Variants in CRHR1 observed in about 807,000 individuals in gnomAD.
CRHR1 encodes corticotropin-releasing hormone receptor 1.
In CRHR1, 28 loss-of-function variants were observed where a neutral mutation model predicts 56.0. That is an observed-to-expected ratio of 0.50 (90% CI 0.37 to 0.69). The LOEUF (loss-of-function observed/expected upper bound fraction) is 0.69, where lower values mean the gene tolerates loss of function less well. Ranked by LOEUF, CRHR1 falls within the 30% of genes least tolerant of loss-of-function variation. The pLI, the probability that CRHR1 is intolerant of heterozygous loss-of-function variation, is 0.00. For synonymous variants in CRHR1, 195 were observed against 216.5 expected, an observed-to-expected ratio of 0.90 and a Z score of 0.87; for missense variants, 376 against 548.0, an observed-to-expected ratio of 0.69 and a Z score of 3.13.
chr17:45,820,437 G>A (rs1366042671), intron 3 of CRHR1, among the ~76,000 whole-genome samples: 1 of 152,148 alleles, frequency 6.6e-6, no homozygotes, highest in Admixed American at 6.5e-5. Flanking sequence ...AACACGTTGG[G>A]CAGCTCTGCC....
intron 1 of CRHR1, among the ~76,000 whole-genome samples, chr17:45,786,374 A>G (rs1178601937): frequency 1.3e-5 from 2 of 152,174 alleles, no homozygotes; most frequent in Non-Finnish European, 2.9e-5. Context: ...GCTGGTTTCA[A>G]ACGTTGGTTA....
chr17:45,819,294 C>T (rs190797117), intron 3 of CRHR1, among the ~76,000 whole-genome samples: 1 of 152,356 alleles, frequency 6.6e-6, no homozygotes, highest in Non-Finnish European at 1.5e-5. Context: ...CTCTCACTTA[C>T]AGAGGAGGAA....
chr17:45,793,948 G>C (rs1411491911), intron 1 of CRHR1, among the ~76,000 whole-genome samples: 1 of 152,202 alleles, frequency 6.6e-6, no homozygotes, highest in Non-Finnish European at 1.5e-5. Flanking sequence ...AGTGAGACCT[G>C]CTGTTTTCAT....
At chr17:45,833,693 T>TGGGGGCCCCCCCCCC in intron 10 of CRHR1, 21 bp from the exon 11 acceptor site, 6 of 1,571,560 alleles carry the variant, frequency 3.8e-6, no homozygotes, top group Non-Finnish European at 5.2e-6. Flanking sequence ...ACTCCGAGCC[T>TGGGGGCCCCCCCCCC]CCCCACCCGC....
At position 45,812,866 on chromosome 17, in the gene CRHR1, G is replaced by A. The variant is rs138322173; in HGVS notation, c.122-3597G>A. Among the ~76,000 whole-genome samples, 56 of 152,222 alleles carry A rather than the reference G, an allele frequency of 3.7e-4. 1 individual carries two copies. In the East Asian group the frequency reaches 4.8e-3, roughly 13 times the overall value. ...TTGTAGTCGGGTGGCTTAAGTGAGT[G>A]GCATGAATTAAGTCGTGCAAAGCGC... On this transcript the variant is annotated intron_variant, in intron 2 of 12. Transcript: ENST00000314537.
chr17:45,796,517 A>AGGCAGGCAG (rs976744182), intron 1 of CRHR1, among the ~76,000 whole-genome samples: 9 of 151,946 alleles, frequency 5.9e-5, no homozygotes, highest in African/African-American at 1.9e-4. Flanking sequence ...AGGGAAGGGA[A>AGGCAGGCAG]GGCAGGCAGG....
rs777616673 is a variant in CRHR1, at chr17:45,833,811, G to A, written c.1027G>A (p.Val343Ile). 21 of 1,613,536 alleles carry A rather than the reference G, an allele frequency of 1.3e-5. No homozygotes were observed. Among genetic ancestry groups the A allele is most frequent in the East Asian group, 1.1e-4 (5 of 44,844 alleles). The change falls in exon 11 of 13, where the codon GTC becomes ATC. Residue 343 changes from valine to isoleucine, a missense_variant. Physicochemically the swap from Val to Ile is conservative, Grantham distance 29. Transcript: ENST00000314537. ...NPGEDEVSRV[V>I]FIYFNSFLES... ...CGGGGAGGATGAGGTCTCCCGGGTC[G>A]TCTTCATCTACTTCAACTCCTTCCT...
chr17:45,784,544 G>C lies in CRHR1; in HGVS notation c.-1G>C, dbSNP rs1333860998. On this transcript the variant is annotated 5_prime_UTR_variant, in exon 1 of 13. Transcript: ENST00000314537. The surrounding 1 kb of genome is among the most constrained non-coding windows in gnomAD (Gnocchi z 4.2). The stretch of plus-strand genomic sequence containing the variant: ...AGGACGGTAGCCGAGCGAGCCCGAG[G>C]ATGGGAGGGCACCCGCAGCTCCGTC... 1 of 1,554,656 alleles carries C rather than the reference G, an allele frequency of 6.4e-7. No individual in the cohort carries two copies. The highest frequency in any genetic ancestry group is 1.2e-5 in the South Asian group (1 of 84,442).
At chr17:45,834,365 C>A (rs1014622439) in intron 12 of CRHR1, among the ~76,000 whole-genome samples, 5 of 152,234 alleles carry the variant, frequency 3.3e-5, no homozygotes, top group African/African-American at 1.2e-4. Context: ...GGGCAGGGAG[C>A]CTTCATGGCA....
intron 2 of CRHR1, among the ~76,000 whole-genome samples, chr17:45,814,250 AG>A (rs973495359): frequency 2.0e-5 from 3 of 152,216 alleles, no homozygotes; most frequent in Non-Finnish European, 4.4e-5. Flanking sequence ...CTACTGAGGA[AG>A]GTACAATGGT....
intron 1 of CRHR1, among the ~76,000 whole-genome samples, chr17:45,804,903 C>T (rs756279508): frequency 6.6e-6 from 1 of 151,894 alleles, no homozygotes; most frequent in African/African-American, 2.4e-5. Context: ...CAACCTCAAC[C>T]TCCCGGGTTC....
chr17:45,805,537 C>T (rs1386795728), intron 1 of CRHR1, among the ~76,000 whole-genome samples: 1 of 152,166 alleles, frequency 6.6e-6, no homozygotes, highest in African/African-American at 2.4e-5. Context: ...GTGAAATTTG[C>T]AGTTGGTACA....
At position 45,829,293 on chromosome 17, in the gene CRHR1, G is replaced by C. The variant is rs747059493; in HGVS notation, c.406G>C (p.Val136Leu). Reference sequence around the variant, plus strand: ...CTGTATCTCCCTGGTGGCCCTCCTGGTGGCCTTTGTCCTCTTTCTGCGGCT... The same window carrying C: ...CTGTATCTCCCTGGTGGCCCTCCTGCTGGCCTTTGTCCTCTTTCTGCGGCT... The part of the protein sequence containing the change: ...GHCISLVALL[V>L]AFVLFLRLRS... Residue 136 changes from valine (V) to leucine (L), a missense_variant, in exon 5 of 13, where the codon GTG becomes CTG. Coordinates refer to ENST00000314537, the MANE Select transcript of CRHR1 (RefSeq NM_004382.5). 2 of 1,614,048 alleles carry C rather than the reference G, an allele frequency of 1.2e-6. No individual in the cohort carries two copies. Among genetic ancestry groups the C allele is most frequent in the South Asian group, 2.2e-5 (2 of 91,044 alleles).
In CRHR1 at chr17:45,784,724, A is replaced by T; in HGVS notation, c.33+147A>T. The stretch of plus-strand genomic sequence containing the variant: ...GAAGGCTGGGCTCCGGGGCAGCCTA[A>T]CTCTCTGGACCTTTGGAGCCAGGGT... On this transcript the variant is annotated intron_variant, in intron 1 of 12. Coordinates refer to ENST00000314537, the MANE Select transcript of CRHR1 (RefSeq NM_004382.5). This position sits in a 1 kb window ranked among gnomAD's most constrained non-coding sequence, Gnocchi z 4.2. 1 of 821,686 alleles carries T rather than the reference A, an allele frequency of 1.2e-6. No homozygotes were observed. Among genetic ancestry groups the T allele is most frequent in the Non-Finnish European group, 1.7e-6 (1 of 577,104 alleles). The allele number at this position is 821,686 out of a possible 1,614,324, so 50.9% of individuals were successfully genotyped here.
intron 1 of CRHR1, among the ~76,000 whole-genome samples, chr17:45,785,733 A>G (rs1234183846): frequency 1.3e-5 from 2 of 152,208 alleles, no homozygotes; most frequent in Non-Finnish European, 2.9e-5. Context: ...GGTTTGAGTT[A>G]AACCACCAAG....
At chr17:45,817,008 G>A (rs1174146212) in intron 3 of CRHR1, among the ~76,000 whole-genome samples, 3 of 152,308 alleles carry the variant, frequency 2.0e-5, no homozygotes, top group Admixed American at 6.5e-5. Flanking sequence ...ACCTTGAGTC[G>A]AGAGGTTCTG....
intron 10 of CRHR1, 46 bp downstream of exon 10, chr17:45,833,583 T>C (rs2062367487): frequency 6.3e-7 from 1 of 1,598,404 alleles, no homozygotes; most frequent in Non-Finnish European, 8.6e-7. Flanking sequence ...ATGAAACCCC[T>C]GCTCCCCATG....
intron 4 of CRHR1, among the ~76,000 whole-genome samples, chr17:45,825,170 C>T (rs1479298151): frequency 6.6e-6 from 1 of 152,228 alleles, no homozygotes; most frequent in Non-Finnish European, 1.5e-5. Context: ...TGGGGTATCG[C>T]AGATAATGGA....
At position 45,821,393 on chromosome 17, in the gene CRHR1, G is replaced by T; in HGVS notation, c.280G>T (p.Ala94Ser). ...GGAGTGCCTGGCCAATGGCAGCTGG[G>T]CCGCCCGCGTGAATTACTCCGAGTG... is the stretch of plus-strand genomic sequence containing the variant. Reference protein sequence around the residue: ...YRECLANGSWAARVNYSECQE... With the variant: ...YRECLANGSWSARVNYSECQE... The change falls in exon 4 of 13, where the codon GCC (alanine) becomes TCC (serine). Residue 94 changes from alanine (A) to serine (S), a missense_variant. By Grantham distance (99) the Ala-to-Ser change is moderately conservative. This residue lies in a region of CRHR1 where 369 missense variants were observed against 519.5 expected (regional missense o/e 0.71). Transcript: ENST00000314537. 6.2e-7 allele frequency: 1 copy of T among 1,613,408 alleles called. No individual in the cohort carries two copies. The highest frequency in any genetic ancestry group is 8.5e-7 in the Non-Finnish European group (1 of 1,180,042).
Sources: allele counts gnomAD v4.1 joint callset (sites outside exome capture counted in the v4.1 genomes callset), GRCh38; gene constraint gnomAD v4.1.1; regional missense constraint gnomAD v4.1.1; non-coding constraint Gnocchi (gnomAD v3.1); transcripts MANE v1.5; gene names NCBI Gene and HGNC (gene_info 2026-07-23, HGNC 2026-07-21).